The following SLC25A21 variants were observed in gnomAD, a reference collection of about 807,000 sequenced individuals.
The protein encoded by SLC25A21 is solute carrier family 25 member 21.
In SLC25A21, 47 loss-of-function variants were observed where a neutral mutation model predicts 43.8. The observed-to-expected ratio is 1.07, with a 90% CI of 0.85 to 1.37. SLC25A21 has a LOEUF of 1.37. Among genes scored for constraint, SLC25A21 ranks in the 40% most tolerant of loss-of-function variants. SLC25A21 has a pLI of 0.00. For missense variants in SLC25A21, 352 were observed against 350.2 expected (o/e 1.00, Z -0.04); for synonymous variants, 131 against 121.3 (o/e 1.08, Z -0.52).
chr14:36,935,555 C>T (rs78640166), intron 1 of SLC25A21, among the ~76,000 whole-genome samples: 6,610 of 152,158 alleles, frequency 0.043, 283 homozygotes, highest in Middle Eastern at 0.14. Flanking sequence ...TTTAGTGGAG[C>T]GGATCCACAT....
At chr14:36,817,004 T>G (rs946412271) in intron 2 of SLC25A21, among the ~76,000 whole-genome samples, 2 of 152,218 alleles carry the variant, frequency 1.3e-5, no homozygotes, top group African/African-American at 4.8e-5. Context: ...GTTTTATATA[T>G]TATGAAAGTA....
At chr14:36,823,353 C>G (rs17105429) in intron 2 of SLC25A21, among the ~76,000 whole-genome samples, 8,215 of 152,244 alleles carry the variant, frequency 0.054, 421 homozygotes, top group East Asian at 0.31. Context: ...AATTATTTTG[C>G]TTTGTAAAAT....
At chr14:36,827,332 G>C (rs545774719) in intron 2 of SLC25A21, among the ~76,000 whole-genome samples, 3 of 152,236 alleles carry the variant, frequency 2.0e-5, no homozygotes, top group Admixed American at 2.0e-4. Context: ...TGGAAGAAAA[G>C]AGAAAGAAAG....
intron 1 of SLC25A21, among the ~76,000 whole-genome samples, chr14:36,982,191 T>C (rs17105856): frequency 0.15 from 22,128 of 152,174 alleles, 5,361 homozygotes; most frequent in African/African-American, 0.5. Flanking sequence ...AATCAAACTA[T>C]AGAACAGATT....
At chr14:36,680,920 A>AAAT (rs1319418501) in intron 9 of SLC25A21, among the ~76,000 whole-genome samples, 2 of 152,198 alleles carry the variant, frequency 1.3e-5, no homozygotes, top group African/African-American at 4.8e-5. Context: ...TTGAGTCTCC[A>AAAT]AATACATTTT....
At chr14:37,034,862 T>C (rs1446529797) in intron 1 of SLC25A21, among the ~76,000 whole-genome samples, 1 of 152,240 alleles carries the variant, frequency 6.6e-6, no homozygotes. Context: ...AGGAAGAGCA[T>C]TCGGCTCCAC....
Position 36,711,374 on chromosome 14 carries a change from T to C in SLC25A21, c.547A>G (p.Asn183Asp). 6.2e-7 allele frequency: 1 copy of C among 1,614,150 alleles called. No individual in the cohort carries two copies. Among genetic ancestry groups the C allele is most frequent in the Non-Finnish European group, 8.5e-7 (1 of 1,180,016 alleles). ...TATLGRHGVF[N>D]MVYFGFYYNV... ...TAGTAGAAGCCAAAATAAACCATGT[T>C]GAAAACTCCATGTCGTCCCAAAGTT... The change falls in exon 7 of 10, where the codon AAC becomes GAC. Residue 183 changes from asparagine to aspartate, a missense_variant. Transcript: ENST00000331299.
intron 1 of SLC25A21, among the ~76,000 whole-genome samples, chr14:37,133,240 G>C (rs1465729634): frequency 6.6e-6 from 1 of 151,368 alleles, no homozygotes; most frequent in Non-Finnish European, 1.5e-5. Context: ...AACTTTTTTG[G>C]ACACCCCATC....
intron 3 of SLC25A21, among the ~76,000 whole-genome samples, chr14:36,760,569 C>T (rs779759998): frequency 3.9e-5 from 6 of 152,172 alleles, no homozygotes; most frequent in South Asian, 2.1e-4. Context: ...GAGGGTCCTG[C>T]CAGCTCCATA....
At chr14:36,895,868 C>G (rs1280132020) in intron 1 of SLC25A21, among the ~76,000 whole-genome samples, 2 of 152,192 alleles carry the variant, frequency 1.3e-5, no homozygotes, top group East Asian at 3.9e-4. Context: ...GTTTCTTAAT[C>G]CTGAGTTCTA....
intron 7 of SLC25A21, among the ~76,000 whole-genome samples, chr14:36,708,817 C>T (rs899300101): frequency 1.4e-5 from 2 of 147,236 alleles, no homozygotes; most frequent in African/African-American, 5.1e-5. Context: ...CTCTTGGCCT[C>T]AAGCAATCCT....
At chr14:36,773,584 C>G (rs775777425) in intron 3 of SLC25A21, among the ~76,000 whole-genome samples, 1 of 152,084 alleles carries the variant, frequency 6.6e-6, no homozygotes, top group Non-Finnish European at 1.5e-5. Flanking sequence ...TAAAAGAGCC[C>G]AAAATCTTGT....
chr14:37,048,980 G>A (rs775757838), intron 1 of SLC25A21, among the ~76,000 whole-genome samples: 1 of 152,200 alleles, frequency 6.6e-6, no homozygotes, highest in Non-Finnish European at 1.5e-5. Flanking sequence ...GTTTGCTTTT[G>A]TTTCTGTTTC....
At chr14:37,003,676 G>C (rs745766232) in intron 1 of SLC25A21, among the ~76,000 whole-genome samples, 54 of 152,208 alleles carry the variant, frequency 3.5e-4, no homozygotes, top group Non-Finnish European at 6.8e-4. Context: ...TATACTCAAA[G>C]ATGCACCTAA....
intron 1 of SLC25A21, among the ~76,000 whole-genome samples, chr14:37,009,000 G>C (rs1960670229): frequency 6.6e-6 from 1 of 152,124 alleles, no homozygotes. Flanking sequence ...TAAATTATTT[G>C]AGAGGAATCC....
At chr14:37,135,865 C>A (rs984189476) in intron 1 of SLC25A21, among the ~76,000 whole-genome samples, 1 of 152,142 alleles carries the variant, frequency 6.6e-6, no homozygotes, top group East Asian at 1.9e-4. Flanking sequence ...TTGGTAGGTC[C>A]CATAAAACCT....
chr14:36,891,302 T>G (rs1891065605), intron 1 of SLC25A21, among the ~76,000 whole-genome samples: 1 of 152,186 alleles, frequency 6.6e-6, no homozygotes. Flanking sequence ...AAGGGCATTG[T>G]AAATCCTTAA....
chr14:36,856,873 A>G (rs1329029314), intron 2 of SLC25A21, among the ~76,000 whole-genome samples: 1 of 152,220 alleles, frequency 6.6e-6, no homozygotes, highest in East Asian at 1.9e-4. Flanking sequence ...TATGGTTGAC[A>G]TGAATATCTG....
intron 1 of SLC25A21, among the ~76,000 whole-genome samples, chr14:37,134,931 T>G (rs1963452971): frequency 2.2e-5 from 2 of 89,098 alleles, no homozygotes; most frequent in Admixed American, 2.2e-4. Flanking sequence ...CATCTCTACT[T>G]TTTTTTTTTT....
Sources: gnomAD v4.1 joint callset for allele counts (sites outside exome capture counted in the v4.1 genomes callset) on GRCh38, gnomAD v4.1.1 for gene constraint, MANE v1.5 for transcripts, NCBI Gene and HGNC (gene_info 2026-07-23, HGNC 2026-07-21) for gene names.